SGCZ: variants seen among roughly 807,000 people sequenced by gnomAD.
SGCZ encodes zeta-sarcoglycan.
A neutral mutation model predicts 41.3 loss-of-function variants in SGCZ; 40 were observed. The observed-to-expected ratio is 0.97, with a 90% CI of 0.75 to 1.26. The LOEUF (loss-of-function observed/expected upper bound fraction) is 1.26, where lower values mean the gene tolerates loss of function less well. SGCZ is among the 50% of genes most tolerant of loss of function. The pLI is 0.00. For missense variants in SGCZ, 552 were observed against 369.8 expected (o/e 1.49, Z -4.04); for synonymous variants, 206 against 137.5 (o/e 1.50, Z -3.49).
At chr8:14,282,082 T>G (rs971688082) in intron 3 of SGCZ, among the ~76,000 whole-genome samples, 24 of 152,054 alleles carry the variant, frequency 1.6e-4, no homozygotes, top group African/African-American at 5.8e-4. Flanking sequence ...ATATTCTTCA[T>G]ACTATCAAAA....
intron 1 of SGCZ, among the ~76,000 whole-genome samples, chr8:14,768,755 G>T (rs748014289): frequency 2.6e-5 from 4 of 151,940 alleles, no homozygotes; most frequent in Admixed American, 6.6e-5. Context: ...AGGAAGGGAA[G>T]AGGACTGCAC....
At chr8:14,226,923 T>C (rs1806392462) in intron 4 of SGCZ, among the ~76,000 whole-genome samples, 1 of 152,160 alleles carries the variant, frequency 6.6e-6, no homozygotes, top group Non-Finnish European at 1.5e-5. Flanking sequence ...TCTCAAAGCC[T>C]GAAATGTGAA....
Position 14,985,401 on chromosome 8 carries a change from C to G in SGCZ, c.39+252184G>C, listed in dbSNP as rs906564359. ...GAGAAAGAAAGGCATTGCTCTGTTT[C>G]CTACACTCAAATAACACACATGAAG... On this transcript the variant is annotated intron_variant, in intron 1 of 7. Transcript: ENST00000382080. 3.9e-5 allele frequency among the ~76,000 whole-genome samples: 6 copies of G among 152,108 alleles called. No homozygotes were observed. The East Asian group carries it at 7.7e-4, about 20-fold the overall frequency.
chr8:14,637,012 T>C (rs927255569), intron 1 of SGCZ, among the ~76,000 whole-genome samples: 1 of 151,838 alleles, frequency 6.6e-6, no homozygotes, highest in African/African-American at 2.4e-5. Flanking sequence ...TTAGTTTTCT[T>C]TCTACTTCTG....
At chr8:15,138,963 G>C (rs961198142) in intron 1 of SGCZ, among the ~76,000 whole-genome samples, 9 of 152,058 alleles carry the variant, frequency 5.9e-5, no homozygotes, top group African/African-American at 2.2e-4. Flanking sequence ...TTTTGTATCA[G>C]CTCTACAGAT....
At chr8:14,126,027 T>C (rs1362451565) in intron 5 of SGCZ, among the ~76,000 whole-genome samples, 2 of 152,146 alleles carry the variant, frequency 1.3e-5, no homozygotes, top group African/African-American at 4.8e-5. Context: ...ATAAAAACCC[T>C]AGAAGAAAGG....
intron 5 of SGCZ, among the ~76,000 whole-genome samples, chr8:14,124,571 C>G (rs1009835696): frequency 6.6e-6 from 1 of 152,060 alleles, no homozygotes; most frequent in East Asian, 1.9e-4. Context: ...ACTGTTTTAC[C>G]AAATTGATTA....
At chr8:15,235,141 G>C (rs922395822) in intron 1 of SGCZ, among the ~76,000 whole-genome samples, 72 of 152,218 alleles carry the variant, frequency 4.7e-4, no homozygotes, top group African/African-American at 1.6e-3. Context: ...AGCCACCAGA[G>C]ACTAACTTGA....
chr8:14,148,303 GC>G (rs1447424493), intron 5 of SGCZ, among the ~76,000 whole-genome samples: 2 of 151,608 alleles, frequency 1.3e-5, no homozygotes, highest in Non-Finnish European at 2.9e-5. Flanking sequence ...CAAACCTTTA[GC>G]CAAACTAAGA....
chr8:14,978,585 T>A (rs1801563796), intron 1 of SGCZ, among the ~76,000 whole-genome samples: 1 of 151,594 alleles, frequency 6.6e-6, no homozygotes, highest in Non-Finnish European at 1.5e-5. Context: ...AAACCAGATT[T>A]TATCACCATT....
intron 1 of SGCZ, among the ~76,000 whole-genome samples, chr8:15,235,576 GAT>G (rs911210267): frequency 1.3e-5 from 2 of 152,116 alleles, no homozygotes; most frequent in African/African-American, 4.8e-5. Context: ...AGGATCTCTG[GAT>G]TATCTGTGCA....
At chr8:14,340,505 A>G (rs922054045) in intron 2 of SGCZ, among the ~76,000 whole-genome samples, 3 of 152,130 alleles carry the variant, frequency 2.0e-5, no homozygotes, top group African/African-American at 4.8e-5. Flanking sequence ...TCTTATTTTA[A>G]TAAGGGAAGA....
chr8:14,107,169 T>C (rs1021943861), intron 6 of SGCZ, among the ~76,000 whole-genome samples: 15 of 151,542 alleles, frequency 9.9e-5, no homozygotes, highest in Admixed American at 1.3e-4. Context: ...TGAGTCGAGA[T>C]AGCACCGCTG....
At chr8:14,633,144 T>C (rs901130060) in intron 1 of SGCZ, among the ~76,000 whole-genome samples, 5 of 152,016 alleles carry the variant, frequency 3.3e-5, no homozygotes, top group African/African-American at 9.7e-5. Flanking sequence ...TTAAAATGCA[T>C]TAGCATGTCA....
rs770631445 is a variant in SGCZ, at chr8:14,831,644, G to GTA, written c.40-276720_40-276719dup. 9.5e-3 allele frequency among the ~76,000 whole-genome samples: 1,432 copies of GTA among 150,236 alleles called. 15 individuals are homozygous for GTA. Among genetic ancestry groups the GTA allele is most frequent in the Admixed American group, 0.018 (275 of 15,056 alleles). ...CACATAGACACATATGTGTGTGTGT[G>GTA]TATATATATATATATACATACACTT... On this transcript the variant is annotated intron_variant, in intron 1 of 7. Coordinates refer to ENST00000382080, the MANE Select transcript of SGCZ (RefSeq NM_139167.4).
At chr8:14,956,888 T>G (rs1455118599) in intron 1 of SGCZ, among the ~76,000 whole-genome samples, 1 of 152,212 alleles carries the variant, frequency 6.6e-6, no homozygotes, top group Non-Finnish European at 1.5e-5. Flanking sequence ...TGTCTGGTAT[T>G]TGGAACTGGC....
At chr8:14,728,679 A>G (rs1441750381) in intron 1 of SGCZ, among the ~76,000 whole-genome samples, 1 of 152,198 alleles carries the variant, frequency 6.6e-6, no homozygotes, top group African/African-American at 2.4e-5. Context: ...TTTATGTCTC[A>G]ATCAGTATAG....
chr8:14,971,357 G>A, intron 1 of SGCZ, among the ~76,000 whole-genome samples: 1 of 152,000 alleles, frequency 6.6e-6, no homozygotes, highest in Non-Finnish European at 1.5e-5. Flanking sequence ...CCTCATATTA[G>A]GAGAAAAGCA....
At chr8:14,496,219 T>C (rs1801984127) in intron 2 of SGCZ, among the ~76,000 whole-genome samples, 3 of 146,632 alleles carry the variant, frequency 2.0e-5, no homozygotes, top group African/African-American at 7.6e-5. Flanking sequence ...GTGCACAACA[T>C]CATGCCTGGC....
Sources: allele counts gnomAD v4.1 joint callset (sites outside exome capture counted in the v4.1 genomes callset), GRCh38; gene constraint gnomAD v4.1.1; transcripts MANE v1.5; gene names NCBI Gene and HGNC (gene_info 2026-07-23, HGNC 2026-07-21).